ME3: variants seen among roughly 807,000 people sequenced by gnomAD.
ME3 encodes malic enzyme 3.
Under a neutral mutation model 68.9 loss-of-function variants are expected in ME3, and 48 were observed. The ratio of observed to expected loss-of-function variants is 0.70; its 90% CI spans 0.55 to 0.89. ME3 has a LOEUF of 0.89. Ranked by LOEUF, ME3 falls within the 40% of genes least tolerant of loss-of-function variation. The probability of loss-of-function intolerance (pLI) is 0.00; values close to 1 mark genes in which losing one functional copy is unlikely to be tolerated. For synonymous variants in ME3, 320 were observed against 318.8 expected (o/e 1.00, Z -0.04); for missense variants, 675 against 797.4 (o/e 0.85, Z 1.85).
chr11:86,475,126 C>T (rs887992484), intron 7 of ME3, among the ~76,000 whole-genome samples: 3 of 152,180 alleles, frequency 2.0e-5, no homozygotes, highest in South Asian at 4.1e-4. Flanking sequence ...AAATCTCATA[C>T]TGAAATGTAA....
chr11:86,635,936 T>C (rs1265558597), intron 2 of ME3, among the ~76,000 whole-genome samples: 1 of 152,238 alleles, frequency 6.6e-6, no homozygotes, highest in Admixed American at 6.5e-5. Flanking sequence ...TCCTGGTCTT[T>C]TGGCTTGATA....
At chr11:86,528,417 G>A (rs12792300) in intron 4 of ME3, among the ~76,000 whole-genome samples, 25,341 of 151,838 alleles carry the variant, frequency 0.17, 2,273 homozygotes, top group African/African-American at 0.24. Context: ...GGAGAGTTTA[G>A]CATCCCACTG....
intron 2 of ME3, among the ~76,000 whole-genome samples, chr11:86,571,769 T>G (rs536823183): frequency 1.3e-5 from 2 of 152,296 alleles, no homozygotes; most frequent in East Asian, 3.9e-4. Flanking sequence ...ATGGTTTGTT[T>G]TGTGGAGTAA....
chr11:86,469,772 C>A (rs534300055), intron 7 of ME3, among the ~76,000 whole-genome samples: 20 of 152,162 alleles, frequency 1.3e-4, no homozygotes, highest in Admixed American at 4.6e-4. Context: ...GGGAAATGGC[C>A]TTGGAGTGGC....
At chr11:86,486,539 C>T (rs116682490) in intron 7 of ME3, among the ~76,000 whole-genome samples, 1,864 of 152,342 alleles carry the variant, frequency 0.012, 48 homozygotes, top group African/African-American at 0.043. Flanking sequence ...CAAGGGAGCA[C>T]TTTGCCAAGG....
intron 2 of ME3, among the ~76,000 whole-genome samples, chr11:86,670,960 TA>T (rs565764742): frequency 4.6e-5 from 7 of 152,080 alleles, no homozygotes; most frequent in Non-Finnish European, 8.8e-5. Context: ...TTTGAGGAGG[TA>T]GGGGGAGACA....
chr11:86,496,283 G>A (rs1049566028), intron 6 of ME3, among the ~76,000 whole-genome samples: 5 of 152,136 alleles, frequency 3.3e-5, no homozygotes, highest in African/African-American at 1.2e-4. Flanking sequence ...GCACATGCCT[G>A]TAATCCCAGC....
chr11:86,458,714 A>G (rs1950074407), intron 8 of ME3, among the ~76,000 whole-genome samples: 1 of 152,152 alleles, frequency 6.6e-6, no homozygotes, highest in Non-Finnish European at 1.5e-5. Context: ...AAAGGCCTAG[A>G]ACTGCTACTC....
At chr11:86,559,343 C>T (rs1957087102) in intron 3 of ME3, among the ~76,000 whole-genome samples, 2 of 152,114 alleles carry the variant, frequency 1.3e-5, no homozygotes, top group Admixed American at 6.5e-5. Flanking sequence ...TCGTCCCTCT[C>T]AGTGAAATGT....
At chr11:86,486,742 G>A (rs894056911) in intron 7 of ME3, among the ~76,000 whole-genome samples, 4 of 152,214 alleles carry the variant, frequency 2.6e-5, no homozygotes, top group Non-Finnish European at 5.9e-5. Flanking sequence ...CCAGCGGCAC[G>A]TCAGCCACAG....
At chr11:86,470,960 GC>G (rs151061528) in intron 7 of ME3, among the ~76,000 whole-genome samples, 8,257 of 151,974 alleles carry the variant, frequency 0.054, 306 homozygotes, top group Non-Finnish European at 0.084. Flanking sequence ...GTTCATTTTG[GC>G]CCCAGCTCTA....
chr11:86,551,923 T>G (rs2139418368), intron 4 of ME3, among the ~76,000 whole-genome samples: 1 of 152,354 alleles, frequency 6.6e-6, no homozygotes, highest in South Asian at 2.1e-4. Context: ...CTCTGATTCC[T>G]CACACATACT....
At chr11:86,527,790 T>G (rs1413636970) in intron 4 of ME3, among the ~76,000 whole-genome samples, 3 of 152,130 alleles carry the variant, frequency 2.0e-5, no homozygotes, top group South Asian at 2.1e-4. Flanking sequence ...AAATACTTCA[T>G]AGACAAGCAA....
chr11:86,461,356 A>G (rs1012614634), intron 8 of ME3, among the ~76,000 whole-genome samples: 1 of 152,184 alleles, frequency 6.6e-6, no homozygotes, highest in African/African-American at 2.4e-5. Context: ...TAAGATAGTG[A>G]GGATGAAAAG....
chr11:86,618,331 T>TAAAAA (rs1943121501), intron 2 of ME3, among the ~76,000 whole-genome samples: 1 of 61,286 alleles, frequency 1.6e-5, no homozygotes, highest in African/African-American at 4.7e-5. Flanking sequence ...AAAAAAAAAG[T>TAAAAA]AGGATCATAA....
chr11:86,507,703 C>T (rs1362341011), intron 5 of ME3, among the ~76,000 whole-genome samples: 1 of 152,204 alleles, frequency 6.6e-6, no homozygotes, highest in African/African-American at 2.4e-5. Flanking sequence ...ATTAACATCA[C>T]TAGGCACGGT....
chr11:86,611,026 G>A (rs1273463215), intron 2 of ME3, among the ~76,000 whole-genome samples: 1 of 152,030 alleles, frequency 6.6e-6, no homozygotes, highest in East Asian at 1.9e-4. Flanking sequence ...TCTGAATTTG[G>A]GTCTCAACCT....
intron 12 of ME3, among the ~76,000 whole-genome samples, 185 bp from the exon 13 acceptor site, chr11:86,446,672 T>C (rs903407916): frequency 3.3e-5 from 5 of 152,240 alleles, no homozygotes; most frequent in African/African-American, 7.2e-5. Flanking sequence ...AGCCCTCACC[T>C]GTTATCTAGC....
chr11:86,470,865 C>G (rs1950742135), intron 7 of ME3, among the ~76,000 whole-genome samples: 1 of 152,172 alleles, frequency 6.6e-6, no homozygotes, highest in African/African-American at 2.4e-5. Context: ...TTTCTAAACA[C>G]AAGTTTATGT....
Sources: allele counts gnomAD v4.1 joint callset (sites outside exome capture counted in the v4.1 genomes callset), GRCh38; gene constraint gnomAD v4.1.1; transcripts MANE v1.5; gene names NCBI Gene and HGNC (gene_info 2026-07-23, HGNC 2026-07-21).